The following THAP8 variants were observed in gnomAD, a reference collection of about 807,000 sequenced individuals.
THAP8 encodes the protein THAP domain containing 8, also known as THAP domain-containing protein 8.
Under a neutral mutation model 25.0 loss-of-function variants are expected in THAP8, and 24 were observed. That is an observed-to-expected ratio of 0.96 (90% CI 0.69 to 1.35). THAP8 has a LOEUF of 1.35. THAP8 is among the 40% of genes most tolerant of loss of function. The pLI is 0.00. For synonymous variants in THAP8, 169 were observed against 157.6 expected (o/e 1.07, Z -0.54); for missense variants, 399 against 368.8 (o/e 1.08, Z -0.67).
intron 1 of THAP8, among the ~76,000 whole-genome samples, chr19:36,050,079 T>C (rs964908013): frequency 1.5e-4 from 22 of 148,522 alleles, no homozygotes; most frequent in African/African-American, 5.2e-4. Flanking sequence ...AAAAAGATGA[T>C]GGCAGCCTGG....
At chr19:36,036,010 T>C (rs1170065619) in intron 3 of THAP8, among the ~76,000 whole-genome samples, 2 of 151,596 alleles carry the variant, frequency 1.3e-5, no homozygotes, top group African/African-American at 2.4e-5. Flanking sequence ...GAGGTAGGGA[T>C]AGATGAGTAG....
At chr19:36,052,741 T>A (rs1412745584) in intron 1 of THAP8, among the ~76,000 whole-genome samples, 4 of 152,236 alleles carry the variant, frequency 2.6e-5, no homozygotes, top group Non-Finnish European at 5.9e-5. Flanking sequence ...GGACTGCTTT[T>A]CTGTGTCAAA....
At chr19:36,050,003 G>T (rs1203666729) in intron 1 of THAP8, among the ~76,000 whole-genome samples, 1 of 146,370 alleles carries the variant, frequency 6.8e-6, no homozygotes, top group East Asian at 2.0e-4. Flanking sequence ...GCAGTGAGCC[G>T]AGATCATACC....
At chr19:36,037,760 C>G (rs1969528916) in intron 3 of THAP8, among the ~76,000 whole-genome samples, 1 of 152,132 alleles carries the variant, frequency 6.6e-6, no homozygotes, top group African/African-American at 2.4e-5. Context: ...CTCCCTCAGC[C>G]TCCCGAGTAG....
At chr19:36,043,624 T>C (rs1969776158) in intron 1 of THAP8, among the ~76,000 whole-genome samples, 1 of 152,108 alleles carries the variant, frequency 6.6e-6, no homozygotes, top group South Asian at 2.1e-4. Flanking sequence ...CCCAGCACTT[T>C]GGGAGGCCGA....
chr19:36,039,482 G>T lies in THAP8; in HGVS notation c.513C>A (p.Thr171=). 6.3e-7 allele frequency: 1 copy of T among 1,593,050 alleles called. No homozygotes were observed. The highest frequency in any genetic ancestry group is 8.6e-7 in the Non-Finnish European group (1 of 1,167,974). ...GTGCTCCCAGCACTGGGCCCAGCCC[G>T]GTCTGGGCCTGTTGGGCAGGGACTT... The part of the protein sequence containing the change: ...QPEVPAQQAQ[T]GLGPVLGALQ... Residue 171 remains threonine (T), a synonymous_variant, in exon 3 of 4, where the codon ACC becomes ACA. Transcript: ENST00000292894.
At chr19:36,051,951 A>G (rs1253416451) in intron 1 of THAP8, among the ~76,000 whole-genome samples, 2 of 152,274 alleles carry the variant, frequency 1.3e-5, no homozygotes, top group South Asian at 4.1e-4. Context: ...CAGCAGCAGC[A>G]TTAGATTCTC....
chr19:36,051,426 T>C (rs1342288793), intron 1 of THAP8, among the ~76,000 whole-genome samples: 1 of 151,958 alleles, frequency 6.6e-6, no homozygotes. Flanking sequence ...AGGAGGGCGC[T>C]GATCTGACTC....
upstream of THAP8, chr19:36,054,413 G>C (rs911629487): frequency 6.2e-6 from 4 of 641,640 alleles, no homozygotes; most frequent in Non-Finnish European, 5.5e-6. Flanking sequence ...TCCCGCCCTC[G>C]TCACGTGACG....
chr19:36,039,750 C>T lies in THAP8; in HGVS notation c.277-32G>A, dbSNP rs374386221. Reference sequence around the variant, plus strand: ...GACAAGGCATGGGGTGCAGGGGTGCCGTGGTCAGACTTCGACTCAGGAGGA... The same window carrying T: ...GACAAGGCATGGGGTGCAGGGGTGCTGTGGTCAGACTTCGACTCAGGAGGA... On this transcript the variant is annotated intron_variant, in intron 2 of 3. Transcript: ENST00000292894. 58 of 1,488,650 alleles carry T rather than the reference C, an allele frequency of 3.9e-5. No individual in the cohort carries two copies. The African/African-American group carries it at 4.2e-4, about 11-fold the overall frequency. 92.2% of individuals were successfully genotyped at this position (1,488,650 alleles called of 1,614,324 possible).
rs1057393241 is a variant in THAP8 at position 36,035,354 on chromosome 19, G to A, written c.*86C>T. 2.0e-6 allele frequency: 3 copies of A among 1,522,848 alleles called. No individual in the cohort carries two copies. The highest frequency in any genetic ancestry group is 1.9e-5 in the Admixed American group (1 of 53,650). The allele number at this position is 1,522,848 out of a possible 1,614,324, so 94.3% of individuals were successfully genotyped here. A position where few individuals can be genotyped will look rare whatever the true frequency, so the allele number is the denominator to read the frequency against. ...AGGCACTGCTACTACCCAGGCGTGGGCGGTGGGGCTGGGCCAAGCCCACGT... is the reference window on the plus strand; with the variant it reads ...AGGCACTGCTACTACCCAGGCGTGGACGGTGGGGCTGGGCCAAGCCCACGT... On this transcript the variant is annotated 3_prime_UTR_variant, in exon 4 of 4. Coordinates refer to ENST00000292894, the MANE Select transcript of THAP8 (RefSeq NM_152658.3).
chr19:36,054,003 C>G, intron 1 of THAP8, 132 bp downstream of exon 1: 1 of 955,840 alleles, frequency 1.0e-6, no homozygotes, highest in Non-Finnish European at 1.6e-6. Flanking sequence ...GGAAGGCCAT[C>G]TCCTCATGGT....
intron 1 of THAP8, among the ~76,000 whole-genome samples, chr19:36,052,115 G>C (rs997737733): frequency 6.6e-6 from 1 of 151,976 alleles, no homozygotes; most frequent in Non-Finnish European, 1.5e-5. Flanking sequence ...CGCAATCTCG[G>C]CTCACTGCAA....
intron 1 of THAP8, 47 bp downstream of exon 1, chr19:36,054,088 C>G (rs1339914627): frequency 1.3e-6 from 2 of 1,589,450 alleles, no homozygotes; most frequent in South Asian, 2.3e-5. Context: ...GGCCCCACCC[C>G]TCTCAGGGTC....
chr19:36,049,531 CT>C (rs1365318061), intron 1 of THAP8, among the ~76,000 whole-genome samples: 1 of 152,184 alleles, frequency 6.6e-6, no homozygotes, highest in East Asian at 1.9e-4. Context: ...TCATCTAACT[CT>C]TAACTAAGTG....
chr19:36,053,441 GCT>G (rs1267650780), intron 1 of THAP8, among the ~76,000 whole-genome samples: 1 of 147,298 alleles, frequency 6.8e-6, no homozygotes. Flanking sequence ...TCTGGTCCCA[GCT>G]ACTTGGTAGG....
At chr19:36,040,728 G>A (rs1037568956) in intron 1 of THAP8, among the ~76,000 whole-genome samples, 1 of 151,860 alleles carries the variant, frequency 6.6e-6, no homozygotes, top group Non-Finnish European at 1.5e-5. Flanking sequence ...CTCCTTCCTG[G>A]TCTTCCTGCC....
intron 3 of THAP8, among the ~76,000 whole-genome samples, chr19:36,038,987 G>T (rs761697391): frequency 6.6e-6 from 1 of 152,184 alleles, no homozygotes; most frequent in Non-Finnish European, 1.5e-5. Context: ...TTAGTAAATG[G>T]AGCAATCATT....
chr19:36,048,234 G>A (rs551946324), intron 1 of THAP8, among the ~76,000 whole-genome samples: 3 of 152,316 alleles, frequency 2.0e-5, no homozygotes, highest in African/African-American at 7.2e-5. Context: ...AAAGGACATA[G>A]TGTGAGCAAG....
Sources: allele counts gnomAD v4.1 joint callset (sites outside exome capture counted in the v4.1 genomes callset), GRCh38; gene constraint gnomAD v4.1.1; transcripts MANE v1.5; gene names NCBI Gene and HGNC (gene_info 2026-07-23, HGNC 2026-07-21).